OSBPL6: variants seen among roughly 807,000 people sequenced by gnomAD.
OSBPL6 encodes the protein oxysterol binding protein like 6, also known as oxysterol-binding protein-related protein 6.
OSBPL6 carries 49 observed loss-of-function variants against 125.8 expected under a neutral mutation model. The observed-to-expected ratio is 0.39, with a 90% CI of 0.31 to 0.49. OSBPL6 has a LOEUF of 0.49. OSBPL6 is among the 20% of genes least tolerant of loss of function. The pLI is 0.88. For synonymous variants in OSBPL6, 394 were observed against 391.8 expected, an observed-to-expected ratio of 1.01 and a Z score of -0.07; for missense variants, 986 against 1,135.4, an observed-to-expected ratio of 0.87 and a Z score of 1.89.
intron 5 of OSBPL6, among the ~76,000 whole-genome samples, chr2:178,331,257 G>A (rs1428769480): frequency 2.0e-5 from 3 of 152,172 alleles, no homozygotes; most frequent in Non-Finnish European, 2.9e-5. Context: ...TCATTCAGGG[G>A]ATTGTAGCTT....
In OSBPL6 at chr2:178,382,403, G is replaced by C. The variant is rs746072855; in HGVS notation, c.1534-17G>C. On this transcript the variant is annotated splice_polypyrimidine_tract_variant and intron_variant, in intron 15 of 24. Transcript: ENST00000190611. Reference sequence around the variant, plus strand: ...TGAACAAGAATTCTGATCCTTGTATGTTCTTCCCTTCCTTAGGCTTCAGAT... The same window carrying C: ...TGAACAAGAATTCTGATCCTTGTATCTTCTTCCCTTCCTTAGGCTTCAGAT... The C allele has an allele frequency of 6.3e-7, 1 of 1,582,134 alleles. No individual in the cohort carries two copies. Among genetic ancestry groups the C allele is most frequent in the South Asian group, 1.2e-5 (1 of 85,950 alleles).
chr2:178,194,382 C>CGGGCGGA (rs1336095200), upstream of OSBPL6: 1 of 152,044 alleles, frequency 6.6e-6, no homozygotes, highest in African/African-American at 2.4e-5. Context: ...TCCACTCCAG[C>CGGGCGGA]CGGGCGGACG....
At chr2:178,196,857 A>G (rs1330397089) in intron 1 of OSBPL6, among the ~76,000 whole-genome samples, 11 of 152,080 alleles carry the variant, frequency 7.2e-5, no homozygotes, top group Non-Finnish European at 1.5e-4. Flanking sequence ...ATCTTGGGGG[A>G]AAAAGGGTCT....
chr2:178,336,345 C>T lies in OSBPL6; in HGVS notation c.702C>T (p.Ser234=). The part of the protein sequence containing the change: ...SFPWQSPLPC[S]NSLPATCTTG... Reference sequence around the variant, plus strand: ...CGTGGCAGTCCCCTTTACCATGCAGCAATAGCCTCCCTGCAACGTGCACAA... The same window carrying T: ...CGTGGCAGTCCCCTTTACCATGCAGTAATAGCCTCCCTGCAACGTGCACAA... The change falls in exon 9 of 25, where the codon AGC becomes AGT. Residue 234 remains serine, a synonymous_variant. Coordinates refer to ENST00000190611, the MANE Select transcript of OSBPL6 (RefSeq NM_032523.4). 11 of 1,614,088 alleles carry T rather than the reference C, an allele frequency of 6.8e-6. No individual in the cohort carries two copies. The highest frequency in any genetic ancestry group is 9.3e-6 in the Non-Finnish European group (11 of 1,180,002).
chr2:178,207,546 G>A (rs1215067849), intron 1 of OSBPL6, among the ~76,000 whole-genome samples: 3 of 152,166 alleles, frequency 2.0e-5, no homozygotes, highest in Non-Finnish European at 4.4e-5. Context: ...TTTTTTAAGG[G>A]TGGGGTCGGT....
chr2:178,235,398 CT>C (rs540269327), intron 1 of OSBPL6, among the ~76,000 whole-genome samples: 28 of 78,018 alleles, frequency 3.6e-4, no homozygotes, highest in South Asian at 1.5e-3. Flanking sequence ...CTTTTCTTTT[CT>C]TTTTTTTTTT....
At chr2:178,259,042 T>G (rs2091973563) in intron 1 of OSBPL6, among the ~76,000 whole-genome samples, 1 of 152,154 alleles carries the variant, frequency 6.6e-6, no homozygotes, top group South Asian at 2.1e-4. Flanking sequence ...GATGAACAGT[T>G]TTCCTGATCA....
chr2:178,267,427 T>G (rs977464737), intron 1 of OSBPL6, among the ~76,000 whole-genome samples: 1 of 151,872 alleles, frequency 6.6e-6, no homozygotes, highest in Non-Finnish European at 1.5e-5. Flanking sequence ...CTATTATGTC[T>G]TTACCTTCCC....
Position 178,300,922 on chromosome 2 carries a change from C to G in OSBPL6, c.-155-5108C>G, listed in dbSNP as rs578207627. ...ATGAAAGTCAGTATGCTGCAAAAGCCAGATTACCAAGCAAAGCCATCAAGC... is the reference window on the plus strand; with the variant it reads ...ATGAAAGTCAGTATGCTGCAAAAGCGAGATTACCAAGCAAAGCCATCAAGC... On this transcript the variant is annotated intron_variant, in intron 2 of 24. Transcript: ENST00000190611. Among the ~76,000 whole-genome samples, 4 of 152,040 alleles carry G rather than the reference C, an allele frequency of 2.6e-5. No individual in the cohort carries two copies. The East Asian group carries it at 5.8e-4, about 22-fold the overall frequency.
chr2:178,347,846 C>A (rs1293837556), intron 11 of OSBPL6, among the ~76,000 whole-genome samples: 1 of 152,140 alleles, frequency 6.6e-6, no homozygotes, highest in Admixed American at 6.5e-5. Flanking sequence ...ACTCCAGATA[C>A]CAAATGATTC....
chr2:178,261,135 A>G (rs1212262426), intron 1 of OSBPL6, among the ~76,000 whole-genome samples: 1 of 152,152 alleles, frequency 6.6e-6, no homozygotes, highest in South Asian at 2.1e-4. Context: ...CCATCTCAAA[A>G]CAAAACAATA....
chr2:178,371,321 T>C (rs1434094), intron 13 of OSBPL6, among the ~76,000 whole-genome samples: 85,487 of 152,060 alleles, frequency 0.56, 24,451 homozygotes, highest in East Asian at 0.88. Flanking sequence ...CCTTTGTCAA[T>C]AGGGTCCTTG....
chr2:178,252,879 C>G (rs931490336), intron 1 of OSBPL6, among the ~76,000 whole-genome samples: 1 of 152,088 alleles, frequency 6.6e-6, no homozygotes, highest in African/African-American at 2.4e-5. Context: ...GCAAGTAATA[C>G]GTTAGGGATC....
intron 1 of OSBPL6, among the ~76,000 whole-genome samples, chr2:178,256,044 G>A (rs2091877439): frequency 6.6e-6 from 1 of 152,184 alleles, no homozygotes; most frequent in South Asian, 2.1e-4. Context: ...AGCTCCTCTT[G>A]GGTATCTCCT....
At chr2:178,271,554 A>T (rs2092375269) in intron 1 of OSBPL6, among the ~76,000 whole-genome samples, 1 of 152,182 alleles carries the variant, frequency 6.6e-6, no homozygotes, top group African/African-American at 2.4e-5. Context: ...AAAATGTTAC[A>T]GATTATGCAA....
At chr2:178,360,658 T>A (rs1299263655) in intron 12 of OSBPL6, among the ~76,000 whole-genome samples, 2 of 152,222 alleles carry the variant, frequency 1.3e-5, no homozygotes, top group Non-Finnish European at 2.9e-5. Context: ...AAAAGAACTT[T>A]TCTATGACTA....
chr2:178,267,787 A>G (rs1022813482), intron 1 of OSBPL6, among the ~76,000 whole-genome samples: 1 of 150,692 alleles, frequency 6.6e-6, no homozygotes, highest in Non-Finnish European at 1.5e-5. Context: ...AGCTGTAACT[A>G]TAAGCAACAT....
At chr2:178,257,181 G>A (rs565779898) in intron 1 of OSBPL6, among the ~76,000 whole-genome samples, 42 of 152,246 alleles carry the variant, frequency 2.8e-4, no homozygotes, top group African/African-American at 9.9e-4. Context: ...GGATGGTAAA[G>A]CTTCAGTGAG....
At chr2:178,285,666 G>A (rs1357795033) in intron 2 of OSBPL6, among the ~76,000 whole-genome samples, 5 of 152,246 alleles carry the variant, frequency 3.3e-5, no homozygotes, top group East Asian at 1.9e-4. Flanking sequence ...TTTTAGAGCC[G>A]CTTTATATAA....
Sources: allele counts gnomAD v4.1 joint callset (sites outside exome capture counted in the v4.1 genomes callset), GRCh38; gene constraint gnomAD v4.1.1; transcripts MANE v1.5; gene names NCBI Gene and HGNC (gene_info 2026-07-23, HGNC 2026-07-21).